PIEZO2: variants seen among roughly 807,000 people sequenced by gnomAD.
PIEZO2 encodes the protein piezo-type mechanosensitive ion channel component 2.
Under a neutral mutation model 337.3 loss-of-function variants are expected in PIEZO2, and 172 were observed. The ratio of observed to expected loss-of-function variants is 0.51; its 90% CI spans 0.45 to 0.58. The LOEUF (loss-of-function observed/expected upper bound fraction) is 0.58. Ranked by LOEUF, PIEZO2 falls within the 20% of genes least tolerant of loss-of-function variation. The probability of loss-of-function intolerance (pLI) is 0.00; values close to 1 mark genes in which losing one functional copy is unlikely to be tolerated. For synonymous variants in PIEZO2, 1,251 were observed against 1,228.5 expected (o/e 1.02, Z -0.38); for missense variants, 3,028 against 3,391.3 (o/e 0.89, Z 2.66).
intron 7 of PIEZO2, among the ~76,000 whole-genome samples, chr18:10,816,449 A>C (rs751175704): frequency 3.3e-5 from 5 of 152,192 alleles, no homozygotes; most frequent in Non-Finnish European, 7.3e-5. Context: ...ATAATTTTGC[A>C]ATATGTAACT....
At chr18:10,910,900 T>C (rs2030420620) in intron 4 of PIEZO2, among the ~76,000 whole-genome samples, 2 of 151,970 alleles carry the variant, frequency 1.3e-5, no homozygotes, top group Non-Finnish European at 2.9e-5. Flanking sequence ...TGGGATTCTC[T>C]AATTCTGTAA....
intron 2 of PIEZO2, among the ~76,000 whole-genome samples, chr18:11,010,377 A>G (rs1178782433): frequency 2.6e-5 from 4 of 152,208 alleles, no homozygotes; most frequent in Non-Finnish European, 4.4e-5. Flanking sequence ...AATGCACTCA[A>G]CATGTTTTGA....
In PIEZO2 at chr18:10,767,547, G is replaced by A. The variant is rs919792475; in HGVS notation, c.2946+2601C>T. The stretch of plus-strand genomic sequence containing the variant: ...GGAGAACGTCCTCTGCGCGCAGCCC[G>A]AGTGAGGAGCTAATGACTCGGAGCC... On this transcript the variant is annotated intron_variant, in intron 21 of 55. Transcript: ENST00000674853. The surrounding 1 kb of genome is among the most constrained non-coding windows in gnomAD (Gnocchi z 4.2). Among the ~76,000 whole-genome samples the A allele has an allele frequency of 1.8e-4, 28 of 152,166 alleles. No individual in the cohort carries two copies. Among genetic ancestry groups the A allele is most frequent in the African/African-American group, 6.0e-4 (25 of 41,436 alleles).
chr18:10,900,164 T>A (rs1019602076), intron 4 of PIEZO2, among the ~76,000 whole-genome samples: 3 of 139,492 alleles, frequency 2.2e-5, no homozygotes, highest in African/African-American at 8.2e-5. Context: ...AAAATATAAA[T>A]CACTTACTTT....
At chr18:10,944,349 T>A (rs139964508) in intron 3 of PIEZO2, among the ~76,000 whole-genome samples, 254 of 151,844 alleles carry the variant, frequency 1.7e-3, no homozygotes, top group African/African-American at 5.8e-3. Flanking sequence ...TTCGGTGGGA[T>A]AACGTGTACC....
intron 1 of PIEZO2, among the ~76,000 whole-genome samples, chr18:11,075,990 G>A (rs576271435): frequency 6.6e-6 from 1 of 152,022 alleles, no homozygotes; most frequent in Non-Finnish European, 1.5e-5. Flanking sequence ...GTTTCACTGT[G>A]TTATCCAGGA....
rs2032644252 is a variant in PIEZO2 at position 10,940,060 on chromosome 18, A to C, written c.287-28832T>G. Among the ~76,000 whole-genome samples the C allele has an allele frequency of 6.6e-6, 1 of 152,232 alleles. No homozygotes were observed. The highest frequency in any genetic ancestry group is 1.5e-5 in the Non-Finnish European group (1 of 68,042). ...TCCTTATTATCTATACTCTGGGGAC[A>C]GTGAGTTTCCCCTCATCAGAAACAA... On this transcript the variant is annotated intron_variant, in intron 3 of 55. Transcript: ENST00000674853. This position sits in a 1 kb window ranked among gnomAD's most constrained non-coding sequence, Gnocchi z 5.3.
At chr18:11,142,430 G>A (rs945460956) in intron 1 of PIEZO2, among the ~76,000 whole-genome samples, 1 of 152,152 alleles carries the variant, frequency 6.6e-6, no homozygotes, top group Admixed American at 6.5e-5. Flanking sequence ...GGTCTGGAAG[G>A]TCAAGTGGAA....
At chr18:10,814,283 T>G (rs977145534) in intron 7 of PIEZO2, among the ~76,000 whole-genome samples, 2 of 152,146 alleles carry the variant, frequency 1.3e-5, no homozygotes, top group African/African-American at 2.4e-5. Context: ...ACTTTTAATT[T>G]AAACTTCTTT....
At position 10,807,817 on chromosome 18, in the gene PIEZO2, A is replaced by G. The variant is rs1046456914; in HGVS notation, c.918-543T>C. 2.6e-5 allele frequency among the ~76,000 whole-genome samples: 4 copies of G among 152,244 alleles called. No individual in the cohort carries two copies. The East Asian group carries it at 7.7e-4, about 29-fold the overall frequency. On this transcript the variant is annotated intron_variant, in intron 7 of 55. Coordinates refer to ENST00000674853, the MANE Select transcript of PIEZO2 (RefSeq NM_001378183.1). The stretch of plus-strand genomic sequence containing the variant: ...TCTGTAAGATATATTTCTATCAAAT[A>G]CCATTTATGAGCAATTTGATTTTTT...
chr18:10,930,126 C>A (rs2031990651), intron 3 of PIEZO2, among the ~76,000 whole-genome samples: 1 of 152,212 alleles, frequency 6.6e-6, no homozygotes, highest in African/African-American at 2.4e-5. Context: ...AAATATATTT[C>A]TTTCACATAT....
At chr18:10,696,341 G>A in intron 46 of PIEZO2, 51 bp downstream of exon 46, 1 of 1,613,748 alleles carries the variant, frequency 6.2e-7, no homozygotes, top group Non-Finnish European at 8.5e-7. Flanking sequence ...ATGGCAGGAA[G>A]CGCCATCGCC....
At chr18:11,071,400 T>C (rs1185955151) in intron 1 of PIEZO2, among the ~76,000 whole-genome samples, 1 of 152,244 alleles carries the variant, frequency 6.6e-6, no homozygotes, top group Non-Finnish European at 1.5e-5. Context: ...AAACATGTAG[T>C]GAGCACACAC....
intron 2 of PIEZO2, among the ~76,000 whole-genome samples, chr18:11,022,980 G>T (rs2145720928): frequency 6.6e-6 from 1 of 152,152 alleles, no homozygotes. Flanking sequence ...GAGTGTTACA[G>T]TTCTTAAGGC....
chr18:10,681,770 A>T lies in PIEZO2; in HGVS notation c.7687-17T>A. ...GAAAATAGGCTGGAAAACAAAGAGA[A>T]CAGTGTTGTCAATATTCCCCAGCTC... On this transcript the variant is annotated splice_polypyrimidine_tract_variant and intron_variant, in intron 50 of 55. Coordinates refer to ENST00000674853, the MANE Select transcript of PIEZO2 (RefSeq NM_001378183.1). 6 of 1,571,506 alleles carry T rather than the reference A, an allele frequency of 3.8e-6. No individual in the cohort carries two copies. Among genetic ancestry groups the T allele is most frequent in the Non-Finnish European group, 5.3e-6 (6 of 1,141,490 alleles).
At position 10,855,551 on chromosome 18, in the gene PIEZO2, G is replaced by C; in HGVS notation, c.719C>G (p.Ser240Cys). 1 of 1,536,646 alleles carries C rather than the reference G, an allele frequency of 6.5e-7. No homozygotes were observed. The highest frequency in any genetic ancestry group is 2.4e-5 in the East Asian group (1 of 40,920). The change falls in exon 7 of 56, where the codon TCT (serine) becomes TGT (cysteine). Residue 240 changes from serine (S) to cysteine (C), a missense_variant. By Grantham distance (112) the Ser-to-Cys change is moderately radical. Around this residue, in one of 5 missense-constraint regions of PIEZO2, gnomAD observed 542 missense variants for 605.6 expected, o/e 0.89. Transcript: ENST00000674853. The surrounding 1 kb of genome is among the most constrained non-coding windows in gnomAD (Gnocchi z 4.9). ...LLGSSGMMLP[S>C]LTSSVYFFVF... ...AAAAAAATACACAGATGATGTCAAA[G>C]ACGGCAACATCATGCCTAAGGAAGA... is the stretch of plus-strand genomic sequence containing the variant.
At chr18:10,693,174 T>C (rs1055145199) in intron 47 of PIEZO2, among the ~76,000 whole-genome samples, 2 of 152,216 alleles carry the variant, frequency 1.3e-5, no homozygotes, top group Non-Finnish European at 2.9e-5. Context: ...AAAATTCAAA[T>C]TATTGAGCAT....
At chr18:11,066,890 G>A (rs899779243) in intron 1 of PIEZO2, among the ~76,000 whole-genome samples, 5 of 152,106 alleles carry the variant, frequency 3.3e-5, no homozygotes, top group Non-Finnish European at 5.9e-5. Context: ...GTGAGCCACC[G>A]CATCTGGCCT....
intron 3 of PIEZO2, among the ~76,000 whole-genome samples, chr18:10,966,242 A>G (rs2033992888): frequency 6.6e-6 from 1 of 152,174 alleles, no homozygotes; most frequent in African/African-American, 2.4e-5. Flanking sequence ...TCTTCCCAGT[A>G]GCCCACTCCT....
Sources: gnomAD v4.1 joint callset for allele counts (sites outside exome capture counted in the v4.1 genomes callset) on GRCh38, gnomAD v4.1.1 for gene constraint, gnomAD v4.1.1 regional missense constraint, Gnocchi (gnomAD v3.1) non-coding constraint, MANE v1.5 for transcripts, NCBI Gene and HGNC (gene_info 2026-07-23, HGNC 2026-07-21) for gene names.